PIK3C2B: variants seen among roughly 807,000 people sequenced by gnomAD.
PIK3C2B encodes phosphatidylinositol 4-phosphate 3-kinase C2 domain-containing subunit beta.
A neutral mutation model predicts 184.3 loss-of-function variants in PIK3C2B; 83 were observed. The observed-to-expected ratio is 0.45, with a 90% CI of 0.38 to 0.54. The LOEUF is 0.54. Among genes scored for constraint, PIK3C2B ranks in the 20% least tolerant of loss-of-function variants. The pLI, the probability that PIK3C2B is intolerant of heterozygous loss-of-function variation, is 0.00. For missense variants in PIK3C2B, 1,736 were observed against 2,113.5 expected (o/e 0.82, Z 3.50); for synonymous variants, 779 against 837.6 (o/e 0.93, Z 1.21).
In PIK3C2B at chr1:204,447,304, G is replaced by A. The variant is rs553459712; in HGVS notation, c.2489+132C>T. The stretch of plus-strand genomic sequence containing the variant: ...GTCAGCTGATGGAGAAAGGCCTGGG[G>A]GCTGCCTCCACTTCCTGCTGAGATG... On this transcript the variant is annotated intron_variant, in intron 15 of 32. Transcript: ENST00000684373. This position sits in a 1 kb window ranked among gnomAD's most constrained non-coding sequence, Gnocchi z 4.1. The A allele has an allele frequency of 5.0e-6, 4 of 795,064 alleles. No homozygotes were observed. In the African/African-American group the frequency reaches 6.9e-5, roughly 14 times the overall value. 49.3% of individuals were successfully genotyped at this position (795,064 alleles called of 1,614,324 possible). A position where few individuals can be genotyped will look rare whatever the true frequency, so the allele number is the denominator to read the frequency against.
chr1:204,446,744 G>A (rs1231796799), intron 15 of PIK3C2B, among the ~76,000 whole-genome samples: 1 of 152,140 alleles, frequency 6.6e-6, no homozygotes, highest in African/African-American at 2.4e-5. Flanking sequence ...GGGGAAGGGA[G>A]GTCTGCGGTC....
Position 204,443,507 on chromosome 1 carries a change from C to T in PIK3C2B, c.2958G>A (p.Leu986=), listed in dbSNP as rs1490485253. 1 of 1,614,252 alleles carries T rather than the reference C, an allele frequency of 6.2e-7. No individual in the cohort carries two copies. ...AGCACTGGCGGTTAAACTCTTCTCT[C>T]AGCCCCTTGCCACAGCAGCACAGTA... ...AALLCCCGKG[L]REEFNRQCWL... The change falls in exon 19 of 33, where the codon CTG becomes CTA. Residue 986 remains leucine (L), a synonymous_variant. Transcript: ENST00000684373.
At chr1:204,430,494 C>T (rs902388676) in intron 28 of PIK3C2B, among the ~76,000 whole-genome samples, 1 of 145,412 alleles carries the variant, frequency 6.9e-6, no homozygotes, top group Admixed American at 6.8e-5. Context: ...TACAGGCACA[C>T]ACCACCGCAC....
Position 204,432,211 on chromosome 1 carries a change from T to C in PIK3C2B, c.4144A>G (p.Asn1382Asp). Reference protein sequence around the residue: ...LCRHEKIFHPNKGYIYVVKVM... With the variant: ...LCRHEKIFHPDKGYIYVVKVM... The stretch of plus-strand genomic sequence containing the variant: ...GAGAAAACACTTACATAGCCTTTGT[T>C]GGGGTGGAAGATCTTCTCATGGCGG... The change falls in exon 27 of 33, where the codon AAC becomes GAC. Residue 1382 changes from asparagine (N) to aspartate (D), a missense_variant. Asn to Asp is a conservative substitution (Grantham distance 23, BLOSUM62 1). Coordinates refer to ENST00000684373, the MANE Select transcript of PIK3C2B (RefSeq NM_001377334.1). 1 of 1,613,676 alleles carries C rather than the reference T, an allele frequency of 6.2e-7. No individual in the cohort carries two copies.
rs576299020 is a variant in PIK3C2B at position 204,447,374 on chromosome 1, G to A, written c.2489+62C>T. ...ACCTCCACTCCCAAAGCAGGAGGAC[G>A]GAGACTCAGTGCTGGGAGGTCAGAT... On this transcript the variant is annotated intron_variant, in intron 15 of 32. Transcript: ENST00000684373. The surrounding 1 kb of genome is among the most constrained non-coding windows in gnomAD (Gnocchi z 4.1). The A allele has an allele frequency of 1.6e-5, 25 of 1,524,164 alleles. No homozygotes were observed. The highest frequency in any genetic ancestry group is 6.8e-5 in the East Asian group (3 of 43,876). The allele number at this position is 1,524,164 out of a possible 1,614,324, so 94.4% of individuals were successfully genotyped here.
rs1654891704 is a variant in PIK3C2B, at chr1:204,456,888, A to ACACC, written c.1747+148_1747+149insGGTG. The stretch of plus-strand genomic sequence containing the variant: ...CTCATATAGGAACACACACACACAC[A>ACACC]CACACACACACACACACACCCACAC... On this transcript the variant is annotated intron_variant, in intron 10 of 32. Transcript: ENST00000684373. The ACACC allele has an allele frequency of 1.2e-5, 6 of 503,896 alleles. No individual in the cohort carries two copies. The Admixed American group carries it at 2.6e-4, about 22-fold the overall frequency. The allele number at this position is 503,896 out of a possible 1,614,324, so 31.2% of individuals were successfully genotyped here.
intron 1 of PIK3C2B, among the ~76,000 whole-genome samples, chr1:204,477,365 T>G (rs1016076029): frequency 6.6e-6 from 1 of 152,070 alleles, no homozygotes; most frequent in African/African-American, 2.4e-5. Context: ...CAAGAAGACC[T>G]GGGTAGAGGC....
At chr1:204,441,245 C>T (rs1185784753) in intron 21 of PIK3C2B, among the ~76,000 whole-genome samples, 1 of 152,208 alleles carries the variant, frequency 6.6e-6, no homozygotes, top group Non-Finnish European at 1.5e-5. Context: ...GAAAGCACTT[C>T]GGGATACTGA....
intron 29 of PIK3C2B, 101 bp downstream of exon 29, chr1:204,429,820 G>A (rs1674942275): frequency 1.3e-6 from 1 of 774,174 alleles, no homozygotes; most frequent in East Asian, 2.4e-5. Flanking sequence ...GAAGTGCCAA[G>A]TCCTGTTCCT....
At chr1:204,445,471 T>G (rs763618959) in intron 16 of PIK3C2B, among the ~76,000 whole-genome samples, 11 of 151,850 alleles carry the variant, frequency 7.2e-5, no homozygotes, top group Non-Finnish European at 1.5e-4. Context: ...TGGTGTGCAC[T>G]GTGCACTTGT....
chr1:204,469,112 T>C lies in PIK3C2B; in HGVS notation c.691A>G (p.Ile231Val). The change falls in exon 2 of 33, where the codon ATC becomes GTC. Residue 231 changes from isoleucine (I) to valine (V), a missense_variant. By Grantham distance (29) the Ile-to-Val change is conservative. Coordinates refer to ENST00000684373, the MANE Select transcript of PIK3C2B (RefSeq NM_001377334.1). Reference protein sequence around the residue: ...RLLGSVDYDGINDAITRLNLK... With the variant: ...RLLGSVDYDGVNDAITRLNLK... ...TTGAGCCTAGTAATTGCATCATTGA[T>C]ACCATCATAGTCCACAGACCCCAGT... 6.2e-7 allele frequency: 1 copy of C among 1,614,198 alleles called. No homozygotes were observed. Among genetic ancestry groups the C allele is most frequent in the Non-Finnish European group, 8.5e-7 (1 of 1,180,000 alleles).
At chr1:204,442,199 T>C (rs1009220919) in intron 20 of PIK3C2B, among the ~76,000 whole-genome samples, 3 of 152,196 alleles carry the variant, frequency 2.0e-5, no homozygotes, top group African/African-American at 4.8e-5. Flanking sequence ...TTATGGCTTA[T>C]ATGGAGATGC....
chr1:204,467,664 G>A (rs924527849), intron 2 of PIK3C2B, among the ~76,000 whole-genome samples: 12 of 151,874 alleles, frequency 7.9e-5, no homozygotes, highest in East Asian at 1.9e-4. Flanking sequence ...GTGAAACCCC[G>A]TCTCTACTAA....
In PIK3C2B at chr1:204,464,097, G is replaced by C. The variant is rs777926387; in HGVS notation, c.1225C>G (p.Leu409Val). The C allele has an allele frequency of 6.2e-7, 1 of 1,614,148 alleles. No homozygotes were observed. Among genetic ancestry groups the C allele is most frequent in the South Asian group, 1.1e-5 (1 of 91,080 alleles). Reference sequence around the variant, plus strand: ...CTCAGGTCATCATGGGTGTAGCACAGGGTCTGGTAGATAAGCAAGTCTACA... The same window carrying C: ...CTCAGGTCATCATGGGTGTAGCACACGGTCTGGTAGATAAGCAAGTCTACA... Reference protein sequence around the residue: ...STVDLLIYQTLCYTHDDLRNV... With the variant: ...STVDLLIYQTVCYTHDDLRNV... The change falls in exon 5 of 33, where the codon CTG becomes GTG. Residue 409 changes from leucine to valine, a missense_variant. By Grantham distance (32) the Leu-to-Val change is conservative. Coordinates refer to ENST00000684373, the MANE Select transcript of PIK3C2B (RefSeq NM_001377334.1).
At chr1:204,484,292 G>C (rs1325071270) in intron 1 of PIK3C2B, among the ~76,000 whole-genome samples, 1 of 152,140 alleles carries the variant, frequency 6.6e-6, no homozygotes, top group Non-Finnish European at 1.5e-5. Context: ...GAGGAAAGTA[G>C]AAAACAGGAA....
intron 1 of PIK3C2B, among the ~76,000 whole-genome samples, chr1:204,471,730 C>A (rs183561983): frequency 6.6e-6 from 1 of 151,650 alleles, no homozygotes; most frequent in Non-Finnish European, 1.5e-5. Flanking sequence ...GGTATTCTCA[C>A]ATGTCAAAAC....
At chr1:204,463,538 G>A (rs180896848) in intron 5 of PIK3C2B, among the ~76,000 whole-genome samples, 7 of 152,218 alleles carry the variant, frequency 4.6e-5, no homozygotes, top group African/African-American at 1.4e-4. Context: ...GGCCAGCTGG[G>A]GAAAAGACTT....
intron 8 of PIK3C2B, among the ~76,000 whole-genome samples, chr1:204,458,774 G>A (rs1286338414): frequency 2.6e-5 from 4 of 152,156 alleles, no homozygotes; most frequent in Admixed American, 6.5e-5. Context: ...GATTACAGGC[G>A]TGAGCCACCG....
rs762888395 is a variant in PIK3C2B at position 204,425,018 on chromosome 1, T to C, written c.4739A>G (p.Lys1580Arg). 20 of 1,613,784 alleles carry C rather than the reference T, an allele frequency of 1.2e-5. No individual in the cohort carries two copies. The highest frequency in any genetic ancestry group is 4.5e-5 in the East Asian group (2 of 44,876). The change falls in exon 33 of 33, where the codon AAG (lysine) becomes AGG (arginine). Residue 1580 changes from lysine to arginine, a missense_variant. Physicochemically the swap from Lys to Arg is conservative, Grantham distance 26. Around this residue, in one of 8 missense-constraint regions of PIK3C2B, gnomAD observed 95 missense variants for 164.2 expected, o/e 0.58. Transcript: ENST00000684373. Reference sequence around the variant, plus strand: ...GAGCTCCCGCTGCTGCAGGTCACCCTTGGGGATCCCATCATATACCAACTG... The same window carrying C: ...GAGCTCCCGCTGCTGCAGGTCACCCCTGGGGATCCCATCATATACCAACTG... ...NEMLVYDGIPKGDLQQRELQL... is the reference protein window; with the variant it reads ...NEMLVYDGIPRGDLQQRELQL...
Sources: allele counts gnomAD v4.1 joint callset (sites outside exome capture counted in the v4.1 genomes callset), GRCh38; gene constraint gnomAD v4.1.1; regional missense constraint gnomAD v4.1.1; non-coding constraint Gnocchi (gnomAD v3.1); transcripts MANE v1.5; gene names NCBI Gene and HGNC (gene_info 2026-07-23, HGNC 2026-07-21).